ROBO2: variants seen among roughly 807,000 people sequenced by gnomAD.
ROBO2 encodes roundabout guidance receptor 2, also known as roundabout homolog 2.
Under a neutral mutation model 160.8 loss-of-function variants are expected in ROBO2, and 53 were observed. The observed-to-expected ratio is 0.33, with a 90% confidence interval of 0.26 to 0.41. The LOEUF is 0.41. Among genes scored for constraint, ROBO2 ranks in the 10% least tolerant of loss-of-function variants. ROBO2 has a pLI of 1.00. For missense variants in ROBO2, 1,577 were observed against 1,722.4 expected (o/e 0.92, Z 1.49); for synonymous variants, 664 against 611.7 (o/e 1.09, Z -1.26).
chr3:77,401,653 T>C (rs79092782), intron 2 of ROBO2, among the ~76,000 whole-genome samples: 4,156 of 151,742 alleles, frequency 0.027, 94 homozygotes, highest in East Asian at 0.077. Flanking sequence ...AGTAGCCAGC[T>C]AGTCAGATAT....
At chr3:76,012,535 A>G (rs750910665) in intron 2 of ROBO2, among the ~76,000 whole-genome samples, 1 of 152,162 alleles carries the variant, frequency 6.6e-6, no homozygotes. Context: ...TGTATGCAAT[A>G]TATTTGGCTA....
At chr3:77,538,934 A>T (rs1413783801) in intron 6 of ROBO2, 1 of 455,020 alleles carries the variant, frequency 2.2e-6, no homozygotes, top group Non-Finnish European at 4.4e-6. Flanking sequence ...TTCTTTTTAG[A>T]GACGGAGGCT....
intron 2 of ROBO2, among the ~76,000 whole-genome samples, chr3:77,249,899 G>T (rs66859128): frequency 0.2 from 29,715 of 147,652 alleles, 3,278 homozygotes; most frequent in Middle Eastern, 0.33. Context: ...GATTTAATGG[G>T]TTTTTTTTTT....
chr3:76,990,316 A>G (rs898980968), intron 2 of ROBO2, among the ~76,000 whole-genome samples: 12 of 152,206 alleles, frequency 7.9e-5, no homozygotes, highest in Non-Finnish European at 1.6e-4. Context: ...GCACAGTTAC[A>G]TATTACATAT....
chr3:77,198,742 G>T (rs1290335296), intron 2 of ROBO2, among the ~76,000 whole-genome samples: 1 of 151,896 alleles, frequency 6.6e-6, no homozygotes, highest in Non-Finnish European at 1.5e-5. Context: ...CTCTATTAAA[G>T]ATACAAAAAA....
At chr3:77,556,401 C>A (rs1374894) in intron 8 of ROBO2, among the ~76,000 whole-genome samples, 84,771 of 151,440 alleles carry the variant, frequency 0.56, 23,768 homozygotes, top group Middle Eastern at 0.68. Context: ...TATTGTTTTT[C>A]TTAGGTTTTA....
intron 2 of ROBO2, among the ~76,000 whole-genome samples, chr3:77,194,154 A>G (rs768650230): frequency 3.9e-5 from 6 of 152,202 alleles, no homozygotes; most frequent in Non-Finnish European, 7.3e-5. Context: ...TTGTATAATA[A>G]GCTAGTTCTT....
At chr3:76,045,413 A>C (rs556351379) in intron 2 of ROBO2, among the ~76,000 whole-genome samples, 3 of 152,156 alleles carry the variant, frequency 2.0e-5, no homozygotes, top group Non-Finnish European at 2.9e-5. Flanking sequence ...GCAGATTGAG[A>C]GCAAAAATGA....
intron 2 of ROBO2, among the ~76,000 whole-genome samples, chr3:77,164,813 C>T (rs1346824282): frequency 1.9e-4 from 2 of 10,610 alleles, no homozygotes; most frequent in Admixed American, 2.0e-3. Context: ...GTGAGGGGCG[C>T]CTCTGCCCGG....
At chr3:76,957,777 G>A (rs1404223243) in intron 2 of ROBO2, among the ~76,000 whole-genome samples, 1 of 151,404 alleles carries the variant, frequency 6.6e-6, no homozygotes, top group Non-Finnish European at 1.5e-5. Context: ...GTTGCAGTGA[G>A]CCAAGACTGC....
intron 2 of ROBO2, among the ~76,000 whole-genome samples, chr3:76,392,039 T>A (rs999591577): frequency 3.8e-4 from 58 of 152,332 alleles, no homozygotes; most frequent in African/African-American, 1.4e-3. Flanking sequence ...TATTCAGGGA[T>A]AATTTTATAA....
intron 2 of ROBO2, among the ~76,000 whole-genome samples, chr3:76,037,920 A>G (rs1322845419): frequency 1.3e-5 from 2 of 152,074 alleles, no homozygotes; most frequent in Non-Finnish European, 2.9e-5. Flanking sequence ...ATGAATAAGT[A>G]AAATTAACCT....
At chr3:76,318,277 A>G (rs148508391) in intron 2 of ROBO2, among the ~76,000 whole-genome samples, 15 of 152,278 alleles carry the variant, frequency 9.9e-5, no homozygotes, top group African/African-American at 3.6e-4. Context: ...AGACGGTTGC[A>G]CCACTTTGAA....
chr3:76,817,672 A>C (rs1236881691), intron 2 of ROBO2, among the ~76,000 whole-genome samples: 2 of 151,844 alleles, frequency 1.3e-5, no homozygotes, highest in African/African-American at 4.8e-5. Flanking sequence ...TGAGTCCCCA[A>C]AGTCCATTGT....
chr3:76,185,201 T>TCTATATATATATATAG (rs1293442943), intron 2 of ROBO2, among the ~76,000 whole-genome samples: 2 of 88,110 alleles, frequency 2.3e-5, no homozygotes, highest in Non-Finnish European at 5.3e-5. Flanking sequence ...CACAGATATA[T>TCTATATATATATATAG]ATATATATAT....
intron 2 of ROBO2, among the ~76,000 whole-genome samples, chr3:76,541,426 T>C (rs1275165310): frequency 6.6e-6 from 1 of 152,230 alleles, no homozygotes; most frequent in Non-Finnish European, 1.5e-5. Context: ...ATCAAATTTC[T>C]CACATACCTA....
At chr3:77,266,132 T>G (rs935679464) in intron 2 of ROBO2, among the ~76,000 whole-genome samples, 5 of 152,026 alleles carry the variant, frequency 3.3e-5, no homozygotes, top group African/African-American at 1.2e-4. Context: ...AATGTCTCAC[T>G]AGGCACAGGA....
At chr3:77,488,713 A>T (rs1054424203) in intron 4 of ROBO2, among the ~76,000 whole-genome samples, 12 of 152,130 alleles carry the variant, frequency 7.9e-5, no homozygotes, top group African/African-American at 2.7e-4. Context: ...TTACTTCCTT[A>T]TAATTTTTAA....
intron 2 of ROBO2, among the ~76,000 whole-genome samples, chr3:76,560,571 C>T (rs2084104771): frequency 6.7e-6 from 1 of 149,126 alleles, no homozygotes; most frequent in Non-Finnish European, 1.5e-5. Context: ...ATTAGCACTA[C>T]TGATATGACT....
Sources: gnomAD v4.1 joint callset for allele counts (sites outside exome capture counted in the v4.1 genomes callset) on GRCh38, gnomAD v4.1.1 for gene constraint, MANE v1.5 for transcripts, NCBI Gene and HGNC (gene_info 2026-07-23, HGNC 2026-07-21) for gene names.